Variants in OSBPL3 observed in about 807,000 individuals in gnomAD.
The protein encoded by OSBPL3 is oxysterol binding protein like 3, also known as oxysterol-binding protein-related protein 3.
A neutral mutation model predicts 120.1 loss-of-function variants in OSBPL3; 65 were observed. That is an observed-to-expected ratio of 0.54 (90% CI 0.44 to 0.67). The LOEUF (loss-of-function observed/expected upper bound fraction) is 0.67, where lower values mean the gene tolerates loss of function less well. OSBPL3 is among the 30% of genes least tolerant of loss of function. The probability of loss-of-function intolerance (pLI) is 0.00; values close to 1 mark genes in which losing one functional copy is unlikely to be tolerated. For missense variants in OSBPL3, 1,004 were observed against 1,082.1 expected, an observed-to-expected ratio of 0.93 and a Z score of 1.01; for synonymous variants, 416 against 402.6, an observed-to-expected ratio of 1.03 and a Z score of -0.40.
intron 1 of OSBPL3, among the ~76,000 whole-genome samples, chr7:24,949,080 T>C (rs928046758): frequency 1.3e-5 from 2 of 152,202 alleles, no homozygotes; most frequent in Non-Finnish European, 2.9e-5. Flanking sequence ...TTGTGAGTAA[T>C]CTCACCACAC....
chr7:24,836,001 T>C (rs1796948002), intron 14 of OSBPL3, among the ~76,000 whole-genome samples: 1 of 151,870 alleles, frequency 6.6e-6, no homozygotes, highest in Non-Finnish European at 1.5e-5. Flanking sequence ...TGAAATAATC[T>C]GTACAGCAAC....
rs1805504352 is a variant in OSBPL3, at chr7:24,892,453, T to G, written c.20A>C (p.Asn7Thr). The change falls in exon 2 of 23, where the codon AAC becomes ACC. Residue 7 changes from asparagine (N) to threonine (T), a missense_variant. This residue lies in a region of OSBPL3 where 255 missense variants were observed against 248.7 expected (regional missense o/e 1.03). Transcript: ENST00000313367. MMSDEK[N>T]LGVSQKLVSP... ...TACCAATTTTTGGGACACACCAAGGTTCTTCTCATCACTCATCATGGACAG... is the reference window on the plus strand; with the variant it reads ...TACCAATTTTTGGGACACACCAAGGGTCTTCTCATCACTCATCATGGACAG... 2 of 1,613,630 alleles carry G rather than the reference T, an allele frequency of 1.2e-6. No individual in the cohort carries two copies. The highest frequency in any genetic ancestry group is 2.7e-5 in the African/African-American group (2 of 74,906).
In OSBPL3 at chr7:24,852,770, C is replaced by A; in HGVS notation, c.1028-136G>T. 1.7e-6 allele frequency: 1 copy of A among 600,490 alleles called. No homozygotes were observed. Among genetic ancestry groups the A allele is most frequent in the Non-Finnish European group, 2.7e-6 (1 of 364,000 alleles). The allele number at this position is 600,490 out of a possible 1,614,324, so 37.2% of individuals were successfully genotyped here. Reference sequence around the variant, plus strand: ...ATTTTGAGTATAGCAAATGTACATTCTACCTTGACTTTTAAAAAACACATT... The same window carrying A: ...ATTTTGAGTATAGCAAATGTACATTATACCTTGACTTTTAAAAAACACATT... On this transcript the variant is annotated intron_variant, in intron 10 of 22. Transcript: ENST00000313367. The surrounding 1 kb of genome is among the most constrained non-coding windows in gnomAD (Gnocchi z 4.1).
Position 24,947,484 on chromosome 7 carries a change from A to G in OSBPL3, c.-150+32402T>C, listed in dbSNP as rs966508314. Among the ~76,000 whole-genome samples, 1 of 152,144 alleles carries G rather than the reference A, an allele frequency of 6.6e-6. No homozygotes were observed. The highest frequency in any genetic ancestry group is 1.5e-5 in the Non-Finnish European group (1 of 68,030). On this transcript the variant is annotated intron_variant, in intron 1 of 22. Transcript: ENST00000313367. This position sits in a 1 kb window ranked among gnomAD's most constrained non-coding sequence, Gnocchi z 4.4. ...TTGCTCCCCACGTGACTACCCCTGA[A>G]AGCTGCATATTTTTATTTCACAGAA... is the stretch of plus-strand genomic sequence containing the variant.
rs1436334547 is a variant in OSBPL3 at position 24,815,213 on chromosome 7, A to T, written c.2028-10T>A. On this transcript the variant is annotated splice_polypyrimidine_tract_variant and intron_variant, in intron 18 of 22. Coordinates refer to ENST00000313367, the MANE Select transcript of OSBPL3 (RefSeq NM_015550.4). This position sits in a 1 kb window ranked among gnomAD's most constrained non-coding sequence, Gnocchi z 5.1. The stretch of plus-strand genomic sequence containing the variant: ...AAAATGATCCCCAAAACTAAAAAGA[A>T]GGAAAAAGTAGAAGTACCAATTTCT... 1.2e-6 allele frequency: 2 copies of T among 1,610,144 alleles called. No individual in the cohort carries two copies.
At chr7:24,856,370 TG>T (rs1202586947) in intron 10 of OSBPL3, among the ~76,000 whole-genome samples, 1 of 152,236 alleles carries the variant, frequency 6.6e-6, no homozygotes, top group East Asian at 1.9e-4. Context: ...ATGGAATGTT[TG>T]GATAGTGAGA....
At chr7:24,958,332 T>G (rs997016930) in intron 1 of OSBPL3, among the ~76,000 whole-genome samples, 6 of 152,170 alleles carry the variant, frequency 3.9e-5, no homozygotes, top group African/African-American at 1.4e-4. Flanking sequence ...TTTTTTGGCT[T>G]TTTTTGATTG....
Position 24,805,738 on chromosome 7 carries a change from C to G in OSBPL3, c.2444+1038G>C, listed in dbSNP as rs569990780. On this transcript the variant is annotated intron_variant, in intron 21 of 22. Transcript: ENST00000313367. The surrounding 1 kb of genome is among the most constrained non-coding windows in gnomAD (Gnocchi z 4.0). Reference sequence around the variant, plus strand: ...AACTGTTACAGCTGACATACGTAAACTGTTTCACATCTCTTTTAGGCATTT... The same window carrying G: ...AACTGTTACAGCTGACATACGTAAAGTGTTTCACATCTCTTTTAGGCATTT... Among the ~76,000 whole-genome samples the G allele has an allele frequency of 1.3e-5, 2 of 152,176 alleles. No individual in the cohort carries two copies. Among genetic ancestry groups the G allele is most frequent in the African/African-American group, 4.8e-5 (2 of 41,438 alleles).
chr7:24,925,228 C>T (rs1810902352), intron 1 of OSBPL3, among the ~76,000 whole-genome samples: 1 of 152,176 alleles, frequency 6.6e-6, no homozygotes, highest in Non-Finnish European at 1.5e-5. Flanking sequence ...CCTCCCTCAG[C>T]CCCTTCAACA....
At chr7:24,848,764 A>G (rs1798744155) in intron 12 of OSBPL3, among the ~76,000 whole-genome samples, 1 of 143,018 alleles carries the variant, frequency 7.0e-6, no homozygotes. Flanking sequence ...TTATCTCTCT[A>G]TAGTTCCCAC....
At chr7:24,935,729 G>A (rs1353804277) in intron 1 of OSBPL3, among the ~76,000 whole-genome samples, 1 of 151,856 alleles carries the variant, frequency 6.6e-6, no homozygotes, top group African/African-American at 2.4e-5. Flanking sequence ...TGTGCCTGGG[G>A]GTGGGGTGGG....
In OSBPL3 at chr7:24,916,424, G is replaced by C. The variant is rs923638775; in HGVS notation, c.-149-23803C>G. Among the ~76,000 whole-genome samples, 1 of 151,792 alleles carries C rather than the reference G, an allele frequency of 6.6e-6. No individual in the cohort carries two copies. Among genetic ancestry groups the C allele is most frequent in the African/African-American group, 2.4e-5 (1 of 41,300 alleles). ...TGGGTAATATTTTACTTTCTCCTTT[G>C]AACTTTTTTTTCTTTTGCCTAATTT... On this transcript the variant is annotated intron_variant, in intron 1 of 22. Transcript: ENST00000313367. This position sits in a 1 kb window ranked among gnomAD's most constrained non-coding sequence, Gnocchi z 4.9.
At chr7:24,846,449 C>A (rs1282535059) in intron 12 of OSBPL3, among the ~76,000 whole-genome samples, 4 of 152,160 alleles carry the variant, frequency 2.6e-5, no homozygotes, top group African/African-American at 7.2e-5. Context: ...CAAATGCATG[C>A]CGATATAGCA....
intron 1 of OSBPL3, among the ~76,000 whole-genome samples, chr7:24,958,897 A>C (rs1158765774): frequency 4.6e-5 from 7 of 152,192 alleles, no homozygotes; most frequent in Non-Finnish European, 1.0e-4. Flanking sequence ...TTAAATGCTG[A>C]TCATCTTTTC....
chr7:24,884,365 C>A (rs751097959), intron 2 of OSBPL3, among the ~76,000 whole-genome samples: 1 of 152,190 alleles, frequency 6.6e-6, no homozygotes, highest in Non-Finnish European at 1.5e-5. Flanking sequence ...GGCTGTATTT[C>A]CTTTCCACAG....
chr7:24,958,880 T>C (rs1815387856), intron 1 of OSBPL3, among the ~76,000 whole-genome samples: 1 of 152,202 alleles, frequency 6.6e-6, no homozygotes, highest in Non-Finnish European at 1.5e-5. Context: ...GACATCCATA[T>C]CACCACTTAA....
In OSBPL3 at chr7:24,896,448, T is replaced by C. The variant is rs1463990513; in HGVS notation, c.-149-3827A>G. ...GGACACATGACATGCAAACATAAGCTGTCCTGGGGCTTCCACTAGGAAAAG... is the reference window on the plus strand; with the variant it reads ...GGACACATGACATGCAAACATAAGCCGTCCTGGGGCTTCCACTAGGAAAAG... On this transcript the variant is annotated intron_variant, in intron 1 of 22. Transcript: ENST00000313367. The surrounding 1 kb of genome is among the most constrained non-coding windows in gnomAD (Gnocchi z 4.4). 6.6e-6 allele frequency among the ~76,000 whole-genome samples: 1 copy of C among 152,240 alleles called. No individual in the cohort carries two copies. Among genetic ancestry groups the C allele is most frequent in the East Asian group, 1.9e-4 (1 of 5,206 alleles).
In OSBPL3 at chr7:24,891,395, C is replaced by A. The variant is rs1388003384; in HGVS notation, c.96+982G>T. Among the ~76,000 whole-genome samples, 6 of 152,248 alleles carry A rather than the reference C, an allele frequency of 3.9e-5. No homozygotes were observed. The highest frequency in any genetic ancestry group is 1.4e-4 in the African/African-American group (6 of 41,538). On this transcript the variant is annotated intron_variant, in intron 2 of 22. Transcript: ENST00000313367. The surrounding 1 kb of genome is among the most constrained non-coding windows in gnomAD (Gnocchi z 4.1). ...CCCAGGCAACGCTCAGTTGGACAGA[C>A]CCCTGATGATGTGTCATAAACGTGT... is the stretch of plus-strand genomic sequence containing the variant.
rs1397989129 is a variant in OSBPL3 at position 24,966,854 on chromosome 7, T to C, written c.-150+13032A>G. ...CATTATTTCCCAGGCAAAATTCATATATAAATCACATACATACAAATTTAT... is the reference window on the plus strand; with the variant it reads ...CATTATTTCCCAGGCAAAATTCATACATAAATCACATACATACAAATTTAT... On this transcript the variant is annotated intron_variant, in intron 1 of 22. Coordinates refer to ENST00000313367, the MANE Select transcript of OSBPL3 (RefSeq NM_015550.4). This position sits in a 1 kb window ranked among gnomAD's most constrained non-coding sequence, Gnocchi z 4.8. 9.2e-5 allele frequency among the ~76,000 whole-genome samples: 14 copies of C among 152,246 alleles called. No homozygotes were observed. The highest frequency in any genetic ancestry group is 8.5e-4 in the Admixed American group (13 of 15,290).
Sources: allele counts gnomAD v4.1 joint callset (sites outside exome capture counted in the v4.1 genomes callset), GRCh38; gene constraint gnomAD v4.1.1; regional missense constraint gnomAD v4.1.1; non-coding constraint Gnocchi (gnomAD v3.1); transcripts MANE v1.5; gene names NCBI Gene and HGNC (gene_info 2026-07-23, HGNC 2026-07-21).